The following KCNJ5 variants were observed in gnomAD, a reference collection of about 807,000 sequenced individuals.
KCNJ5 encodes the protein G protein-activated inward rectifier potassium channel 4.
Under a neutral mutation model 20.2 loss-of-function variants are expected in KCNJ5, and 12 were observed. The ratio of observed to expected loss-of-function variants is 0.59; its 90% CI spans 0.38 to 0.96. The LOEUF (loss-of-function observed/expected upper bound fraction) is 0.96, where lower values mean the gene tolerates loss of function less well. KCNJ5 is among the 40% of genes least tolerant of loss of function. KCNJ5 has a pLI of 0.00. For synonymous variants in KCNJ5, 210 were observed against 213.9 expected (o/e 0.98, Z 0.16); for missense variants, 449 against 557.6 (o/e 0.81, Z 1.96).
At chr11:128,900,839 C>T (rs1187860316) in intron 1 of KCNJ5, 1 of 152,244 alleles carries the variant, frequency 6.6e-6, no homozygotes, top group East Asian at 1.9e-4. Flanking sequence ...GAGGTGCAAA[C>T]TGCCATTATG....
Position 128,916,621 on chromosome 11 carries a change from C to G in KCNJ5, c.1150C>G (p.Pro384Ala). 2 of 1,613,984 alleles carry G rather than the reference C, an allele frequency of 1.2e-6. No homozygotes were observed. The highest frequency in any genetic ancestry group is 1.7e-6 in the Non-Finnish European group (2 of 1,179,916). ...GCTCCTCCAGTACCTCCCCAGCCCCCCACTGCTGGGGGGCTGTGCTGAGGC... is the reference window on the plus strand; with the variant it reads ...GCTCCTCCAGTACCTCCCCAGCCCCGCACTGCTGGGGGGCTGTGCTGAGGC... ...GRLLQYLPSP[P>A]LLGGCAEAGL... Residue 384 changes from proline (P) to alanine (A), a missense_variant, in exon 3 of 3, where the codon CCA becomes GCA. Transcript: ENST00000529694.
At chr11:128,915,097 A>G (rs1296365969) in intron 2 of KCNJ5, among the ~76,000 whole-genome samples, 1 of 152,260 alleles carries the variant, frequency 6.6e-6, no homozygotes, top group Non-Finnish European at 1.5e-5. Flanking sequence ...GAGAAAGCCC[A>G]AAGTGGGAGC....
At chr11:128,906,714 A>G (rs1009456030) in intron 1 of KCNJ5, among the ~76,000 whole-genome samples, 4 of 152,164 alleles carry the variant, frequency 2.6e-5, no homozygotes, top group Non-Finnish European at 5.9e-5. Flanking sequence ...TAATTCCTCT[A>G]ATAATTTGAA....
rs1038828763 is a variant in KCNJ5 at position 128,920,574 on chromosome 11, A to G, written c.*3843A>G. The G allele has an allele frequency of 6.6e-6, 1 of 152,228 alleles. No individual in the cohort carries two copies. The highest frequency in any genetic ancestry group is 1.5e-5 in the Non-Finnish European group (1 of 68,062). The allele number at this position is 152,228 out of a possible 1,614,324, so 9.4% of individuals were successfully genotyped here. ...CTGTGCCCTGAACACACCTCTGCCC[A>G]TGCGCCATGGAGCATGTGTTAGGTG... On this transcript the variant is annotated 3_prime_UTR_variant, in exon 3 of 3. Transcript: ENST00000529694.
chr11:128,913,613 C>G (rs1944534511), intron 2 of KCNJ5, among the ~76,000 whole-genome samples: 1 of 150,892 alleles, frequency 6.6e-6, no homozygotes, highest in African/African-American at 2.4e-5. Flanking sequence ...CAATGAGCAG[C>G]TGGTCAGGCC....
At chr11:128,899,321 C>T (rs1225212133) in intron 1 of KCNJ5, among the ~76,000 whole-genome samples, 3 of 152,204 alleles carry the variant, frequency 2.0e-5, no homozygotes, top group African/African-American at 7.2e-5. Context: ...TATGGTACAG[C>T]CCCAGTAGGT....
At position 128,916,846 on chromosome 11, in the gene KCNJ5, A is replaced by G. The variant is rs905108897; in HGVS notation, c.*115A>G. The G allele has an allele frequency of 1.6e-5, 13 of 820,708 alleles. No homozygotes were observed. Among genetic ancestry groups the G allele is most frequent in the Middle Eastern group, 3.7e-4 (1 of 2,716 alleles). 50.8% of individuals were successfully genotyped at this position (820,708 alleles called of 1,614,324 possible). A position where few individuals can be genotyped will look rare whatever the true frequency, so the allele number is the denominator to read the frequency against. The stretch of plus-strand genomic sequence containing the variant: ...TGTGCTGTTTGGGGGCTCAGGAGCC[A>G]TCAAGGCTGTGGGGAGGAACCATAA... On this transcript the variant is annotated 3_prime_UTR_variant, in exon 3 of 3. Coordinates refer to ENST00000529694, the MANE Select transcript of KCNJ5 (RefSeq NM_000890.5).
At chr11:128,913,452 C>T (rs1944531380) in intron 2 of KCNJ5, among the ~76,000 whole-genome samples, 1 of 152,216 alleles carries the variant, frequency 6.6e-6, no homozygotes, top group Admixed American at 6.5e-5. Context: ...TGTGAGGTGG[C>T]TCCAGGGAGT....
In KCNJ5 at chr11:128,911,620, G is replaced by A. The variant is rs1211063624; in HGVS notation, c.347G>A (p.Gly116Asp). Residue 116 changes from glycine (G) to aspartate (D), a missense_variant, in exon 2 of 3, where the codon GGT (glycine) becomes GAT (aspartate). Gly to Asp is a moderately conservative substitution (Grantham distance 94). Transcript: ENST00000529694. This position sits in a 1 kb window ranked among gnomAD's most constrained non-coding sequence, Gnocchi z 6.3. ...FIWWLIAYIRGDLDHVGDQEW... is the reference protein window; with the variant it reads ...FIWWLIAYIRDDLDHVGDQEW... Reference sequence around the variant, plus strand: ...TGGTGGCTCATTGCTTATATCCGGGGTGACCTGGACCATGTTGGCGACCAA... The same window carrying A: ...TGGTGGCTCATTGCTTATATCCGGGATGACCTGGACCATGTTGGCGACCAA... 11 of 1,614,068 alleles carry A rather than the reference G, an allele frequency of 6.8e-6. No homozygotes were observed. The highest frequency in any genetic ancestry group is 9.3e-6 in the Non-Finnish European group (11 of 1,180,032).
chr11:128,900,620 GC>G (rs1458998875), intron 1 of KCNJ5: 2 of 152,252 alleles, frequency 1.3e-5, no homozygotes, highest in African/African-American at 2.4e-5. Context: ...AGAAGCCAGG[GC>G]CGCCTGGCAG....
chr11:128,897,123 A>G, intron 1 of KCNJ5, among the ~76,000 whole-genome samples: 1 of 117,236 alleles, frequency 8.5e-6, no homozygotes. Context: ...TTTGAGACAG[A>G]GTCTTACTCT....
chr11:128,917,175 C>G lies in KCNJ5; in HGVS notation c.*444C>G, dbSNP rs1944598022. 2 of 165,276 alleles carry G rather than the reference C, an allele frequency of 1.2e-5. No homozygotes were observed. The highest frequency in any genetic ancestry group is 4.8e-5 in the African/African-American group (2 of 41,666). The allele number at this position is 165,276 out of a possible 1,614,324, so 10.2% of individuals were successfully genotyped here. A position where few individuals can be genotyped will look rare whatever the true frequency, so the allele number is the denominator to read the frequency against. ...GAGACTTACCTGATGAGAGCTCAAA[C>G]CTCTAGTCTGGGATGAGCTCACAGA... is the stretch of plus-strand genomic sequence containing the variant. On this transcript the variant is annotated 3_prime_UTR_variant, in exon 3 of 3. Transcript: ENST00000529694.
At chr11:128,904,319 C>T in intron 1 of KCNJ5, 1 of 1,479,422 alleles carries the variant, frequency 6.8e-7, no homozygotes, top group Non-Finnish European at 9.2e-7. Flanking sequence ...GGACTGCACC[C>T]TGGCCTCTCT....
At position 128,893,699 on chromosome 11, in the gene KCNJ5, AGGG is replaced by A. The variant is rs11296838; in HGVS notation, c.-11+1985_-11+1987del. 2.8e-3 allele frequency among the ~76,000 whole-genome samples: 417 copies of A among 151,566 alleles called. 1 individual carries two copies. Among genetic ancestry groups the A allele is most frequent in the African/African-American group, 9.6e-3 (395 of 41,322 alleles). Reference sequence around the variant, plus strand: ...TCAGCTAAAGGAGGAGCCAAGGGTGAGGGGGGGGGTCAAAGCGAACCTGGGCCA... The same window carrying A: ...TCAGCTAAAGGAGGAGCCAAGGGTGAGGGGGGTCAAAGCGAACCTGGGCCA... On this transcript the variant is annotated intron_variant, in intron 1 of 2. Coordinates refer to ENST00000529694, the MANE Select transcript of KCNJ5 (RefSeq NM_000890.5).
Position 128,918,509 on chromosome 11 carries a change from A to C in KCNJ5, c.*1778A>C, listed in dbSNP as rs1247576538. 1 of 152,268 alleles carries C rather than the reference A, an allele frequency of 6.6e-6. No individual in the cohort carries two copies. Among genetic ancestry groups the C allele is most frequent in the Non-Finnish European group, 1.5e-5 (1 of 68,082 alleles). The allele number at this position is 152,268 out of a possible 1,614,324, so 9.4% of individuals were successfully genotyped here. On this transcript the variant is annotated 3_prime_UTR_variant, in exon 3 of 3. Transcript: ENST00000529694. The stretch of plus-strand genomic sequence containing the variant: ...ATGGAGATAGAGTGCCAATGTTCCC[A>C]GGCCACAGAATTATGGAGGCCTCAC...
rs375669366 is a variant in KCNJ5 at position 128,911,326 on chromosome 11, C to T, written c.53C>T (p.Thr18Ile). 94 of 1,614,106 alleles carry T rather than the reference C, an allele frequency of 5.8e-5. No homozygotes were observed. Among genetic ancestry groups the T allele is most frequent in the Non-Finnish European group, 7.8e-5 (92 of 1,180,062 alleles). The change falls in exon 2 of 3, where the codon ACT (threonine) becomes ATT (isoleucine). Residue 18 changes from threonine (T) to isoleucine (I), a missense_variant. Coordinates refer to ENST00000529694, the MANE Select transcript of KCNJ5 (RefSeq NM_000890.5). This position sits in a 1 kb window ranked among gnomAD's most constrained non-coding sequence, Gnocchi z 6.3. Reference protein sequence around the residue: ...AMNQDMEIGVTPWDPKKIPKQ... With the variant: ...AMNQDMEIGVIPWDPKKIPKQ... ...AACCAGGACATGGAGATTGGAGTCACTCCCTGGGACCCCAAGAAGATTCCA... is the reference window on the plus strand; with the variant it reads ...AACCAGGACATGGAGATTGGAGTCATTCCCTGGGACCCCAAGAAGATTCCA...
intron 2 of KCNJ5, among the ~76,000 whole-genome samples, chr11:128,914,112 G>A (rs373297768): frequency 3.4e-4 from 52 of 152,058 alleles, no homozygotes; most frequent in African/African-American, 1.2e-3. Context: ...CAGAGCTAGG[G>A]GCTTGCAGGT....
At position 128,911,497 on chromosome 11, in the gene KCNJ5, G is replaced by A. The variant is rs892317617; in HGVS notation, c.224G>A (p.Ser75Asn). The change falls in exon 2 of 3, where the codon AGT becomes AAT. Residue 75 changes from serine to asparagine, a missense_variant. Around this residue, in one of 5 missense-constraint regions of KCNJ5, gnomAD observed 203 missense variants for 258.0 expected, o/e 0.79. Transcript: ENST00000529694. This position sits in a 1 kb window ranked among gnomAD's most constrained non-coding sequence, Gnocchi z 6.3. ...GNVQETYRYL[S>N]DLFTTLVDLK... Reference sequence around the variant, plus strand: ...GTCCAGGAGACCTACCGGTACCTGAGTGACCTCTTCACCACCCTGGTGGAC... The same window carrying A: ...GTCCAGGAGACCTACCGGTACCTGAATGACCTCTTCACCACCCTGGTGGAC... 14 of 1,614,132 alleles carry A rather than the reference G, an allele frequency of 8.7e-6. No individual in the cohort carries two copies. In the Admixed American group the frequency reaches 1.2e-4, roughly 13 times the overall value.
At chr11:128,893,079 T>C (rs928383280) in intron 1 of KCNJ5, among the ~76,000 whole-genome samples, 3 of 152,224 alleles carry the variant, frequency 2.0e-5, no homozygotes, top group Non-Finnish European at 4.4e-5. Flanking sequence ...TCTGGCTGAA[T>C]GAGGCGCTCA....
Sources: gnomAD v4.1 joint callset for allele counts (sites outside exome capture counted in the v4.1 genomes callset) on GRCh38, gnomAD v4.1.1 for gene constraint, gnomAD v4.1.1 regional missense constraint, Gnocchi (gnomAD v3.1) non-coding constraint, MANE v1.5 for transcripts, NCBI Gene and HGNC (gene_info 2026-07-23, HGNC 2026-07-21) for gene names.